SGCD: variants seen among roughly 807,000 people sequenced by gnomAD.
SGCD encodes the protein sarcoglycan delta, also known as delta-sarcoglycan.
A neutral mutation model predicts 36.6 loss-of-function variants in SGCD; 18 were observed. That is an observed-to-expected ratio of 0.49 (90% CI 0.34 to 0.73). The LOEUF is 0.73. Ranked by LOEUF, SGCD falls within the 30% of genes least tolerant of loss-of-function variation. The pLI, the probability that SGCD is intolerant of heterozygous loss-of-function variation, is 0.01. For missense variants in SGCD, 387 were observed against 346.7 expected (o/e 1.12, Z -0.92); for synonymous variants, 133 against 130.6 (o/e 1.02, Z -0.12).
intron 3 of SGCD, among the ~76,000 whole-genome samples, chr5:156,198,614 G>T (rs1245416941): frequency 6.6e-6 from 1 of 152,106 alleles, no homozygotes; most frequent in Non-Finnish European, 1.5e-5. Context: ...ATGGCTCTGT[G>T]TGGACCATGG....
intron 3 of SGCD, among the ~76,000 whole-genome samples, chr5:156,466,467 G>T (rs1350891830): frequency 6.6e-6 from 1 of 152,128 alleles, no homozygotes; most frequent in Non-Finnish European, 1.5e-5. Flanking sequence ...TTCTGTTTCT[G>T]GTAGGTTTTG....
intron 1 of SGCD, among the ~76,000 whole-genome samples, chr5:156,048,572 C>T (rs187039162): frequency 4.1e-3 from 631 of 152,270 alleles, no homozygotes; most frequent in Non-Finnish European, 6.9e-3. Flanking sequence ...TCTCTGATGG[C>T]CAGTGATGAT....
intron 3 of SGCD, among the ~76,000 whole-genome samples, chr5:156,370,693 A>G (rs1770335847): frequency 6.6e-6 from 1 of 152,172 alleles, no homozygotes; most frequent in South Asian, 2.1e-4. Flanking sequence ...ACTGAAACAT[A>G]CACATTCCAA....
intron 1 of SGCD, among the ~76,000 whole-genome samples, chr5:156,069,391 C>T (rs1481769958): frequency 6.6e-6 from 1 of 152,042 alleles, no homozygotes; most frequent in Non-Finnish European, 1.5e-5. Flanking sequence ...ATCCTTTCCC[C>T]ATTGCTTGTT....
chr5:156,120,053 T>C (rs1017429566), intron 2 of SGCD, among the ~76,000 whole-genome samples: 2 of 152,204 alleles, frequency 1.3e-5, no homozygotes, highest in Non-Finnish European at 1.5e-5. Flanking sequence ...ATATACTTTC[T>C]CATTTTATTT....
At chr5:156,187,052 A>C (rs1763778616) in intron 3 of SGCD, among the ~76,000 whole-genome samples, 1 of 152,138 alleles carries the variant, frequency 6.6e-6, no homozygotes, top group South Asian at 2.1e-4. Context: ...CATCGTCAGT[A>C]CTTTAATGAG....
intron 3 of SGCD, among the ~76,000 whole-genome samples, chr5:156,165,415 G>A (rs549386541): frequency 6.6e-5 from 10 of 152,274 alleles, no homozygotes; most frequent in African/African-American, 1.9e-4. Context: ...AGCTTAGTAA[G>A]GAAACTGTTC....
chr5:156,456,191 G>A (rs772657530), intron 3 of SGCD, among the ~76,000 whole-genome samples: 3 of 152,130 alleles, frequency 2.0e-5, no homozygotes, highest in Non-Finnish European at 4.4e-5. Context: ...ATGGGATAAC[G>A]GATGGAGGCT....
the SGCD span, among the ~76,000 whole-genome samples, chr5:155,820,339 A>G: frequency 6.6e-6 from 1 of 152,134 alleles, no homozygotes; most frequent in Admixed American, 6.5e-5. Context: ...TTCAATCTAT[A>G]GAGGTGATCA....
Position 156,605,134 on chromosome 5 carries a change from TG to T in SGCD, c.502+10085del, listed in dbSNP as rs1388676301. Among the ~76,000 whole-genome samples the T allele has an allele frequency of 2.0e-5, 3 of 152,266 alleles. No individual in the cohort carries two copies. The East Asian group carries it at 5.8e-4, about 29-fold the overall frequency. ...TTACCTATGTATACATGTGCCATGT[TG>T]GTGTGCTGCACCCATTAACTCGTCA... On this transcript the variant is annotated intron_variant, in intron 6 of 8. Transcript: ENST00000337851.
At chr5:156,532,539 C>A (rs1442647485) in intron 4 of SGCD, among the ~76,000 whole-genome samples, 1 of 152,180 alleles carries the variant, frequency 6.6e-6, no homozygotes, top group Non-Finnish European at 1.5e-5. Flanking sequence ...TGGCTCACTG[C>A]AAGCTCTGCC....
chr5:155,861,970 C>T, the SGCD span, among the ~76,000 whole-genome samples: 1 of 152,178 alleles, frequency 6.6e-6, no homozygotes, highest in Non-Finnish European at 1.5e-5. Flanking sequence ...CCCCCATCCT[C>T]TCTTAGGAGA....
At chr5:156,423,300 A>ACATTATAT (rs1773464852) in intron 3 of SGCD, among the ~76,000 whole-genome samples, 10 of 9,920 alleles carry the variant, frequency 1.0e-3, no homozygotes, top group South Asian at 3.4e-3. Flanking sequence ...TTATAATATA[A>ACATTATAT]TATATTTTAT....
At chr5:156,284,453 A>C (rs1000552823) in intron 3 of SGCD, among the ~76,000 whole-genome samples, 2 of 152,202 alleles carry the variant, frequency 1.3e-5, no homozygotes, top group African/African-American at 4.8e-5. Flanking sequence ...ATCCAGCAGC[A>C]CATCAAAAAG....
At chr5:156,075,564 T>G (rs1322063655) in intron 1 of SGCD, among the ~76,000 whole-genome samples, 1 of 152,162 alleles carries the variant, frequency 6.6e-6, no homozygotes, top group East Asian at 1.9e-4. Context: ...GTATAAAGGT[T>G]GTTGAATAGA....
chr5:155,774,284 A>G, the SGCD span, among the ~76,000 whole-genome samples: 3 of 152,162 alleles, frequency 2.0e-5, no homozygotes, highest in African/African-American at 7.2e-5. Flanking sequence ...CCTGTGTATC[A>G]GTAAACCCTG....
At chr5:156,080,634 G>A (rs1760925396) in intron 1 of SGCD, among the ~76,000 whole-genome samples, 1 of 152,118 alleles carries the variant, frequency 6.6e-6, no homozygotes, top group South Asian at 2.1e-4. Flanking sequence ...TAATCCATTT[G>A]AAGCCCAAAC....
intron 1 of SGCD, among the ~76,000 whole-genome samples, chr5:155,934,040 T>C (rs1757149204): frequency 6.6e-6 from 1 of 152,192 alleles, no homozygotes; most frequent in African/African-American, 2.4e-5. Flanking sequence ...TGTCTTTACA[T>C]GGTACTCATC....
At chr5:155,973,493 C>T (rs1471351233) in intron 1 of SGCD, among the ~76,000 whole-genome samples, 2 of 152,136 alleles carry the variant, frequency 1.3e-5, no homozygotes, top group Admixed American at 6.6e-5. Context: ...AGGTTCAGCT[C>T]ACACTTGTCA....
Sources: gnomAD v4.1 joint callset for allele counts (sites outside exome capture counted in the v4.1 genomes callset) on GRCh38, gnomAD v4.1.1 for gene constraint, MANE v1.5 for transcripts, NCBI Gene and HGNC (gene_info 2026-07-23, HGNC 2026-07-21) for gene names.